The following NALF2 variants were observed in gnomAD, a reference collection of about 807,000 sequenced individuals.
NALF2 encodes NALCN channel auxiliary factor 2.
NALF2 carries 1 observed loss-of-function variant against 24.8 expected under a neutral mutation model. That is an observed-to-expected ratio of 0.04 (90% CI 0.01 to 0.19). The LOEUF is 0.19. NALF2 is among the 10% of genes least tolerant of loss of function. The pLI is 1.00. For synonymous variants in NALF2, 254 were observed against 189.8 expected (o/e 1.34, Z -2.78); for missense variants, 458 against 409.6 (o/e 1.12, Z -1.02).
chrX:69,511,448 C>G (rs772793153), intron 1 of NALF2, among the ~76,000 whole-genome samples: 2 of 111,825 alleles, frequency 1.8e-5, no homozygotes, highest in Non-Finnish European at 3.8e-5. Flanking sequence ...CTCTCTTTCT[C>G]CCACTTCCCT....
At chrX:69,510,467 G>C (rs893531558) in intron 1 of NALF2, among the ~76,000 whole-genome samples, 1 of 112,670 alleles carries the variant, frequency 8.9e-6, no homozygotes. Flanking sequence ...GGGGTGCTGA[G>C]AGCAGGGAGC....
chrX:69,513,106 A>G (rs1602193251), intron 1 of NALF2, among the ~76,000 whole-genome samples: 1 of 111,562 alleles, frequency 9.0e-6, no homozygotes, highest in African/African-American at 3.3e-5. Flanking sequence ...GAGGGAAGGT[A>G]TCTCTGTTAT....
intron 1 of NALF2, 70 bp from the exon 2 acceptor site, chrX:69,528,923 C>A (rs972574325): frequency 9.3e-7 from 1 of 1,075,392 alleles, no homozygotes; most frequent in Non-Finnish European, 1.2e-6. Flanking sequence ...ACAAGTAAGT[C>A]CTCCCATCCC....
Position 69,504,742 on chromosome X carries a change from C to G in NALF2, c.-541C>G, listed in dbSNP as rs1178207718. ...AGGAGGGCGCGAGCGAGGCAGGGAG[C>G]GGCGTGGAGCGGGCAGCGGGCGGAC... On this transcript the variant is annotated 5_prime_UTR_variant, in exon 1 of 3. Coordinates refer to ENST00000252338, the MANE Select transcript of NALF2 (RefSeq NM_015686.3). Among the ~76,000 whole-genome samples, 2 of 110,725 alleles carry G rather than the reference C, an allele frequency of 1.8e-5. No individual in the cohort carries two copies. Among genetic ancestry groups the G allele is most frequent in the Non-Finnish European group, 3.8e-5 (2 of 52,513 alleles).
At chrX:69,506,565 G>A (rs1444545335) in intron 1 of NALF2, among the ~76,000 whole-genome samples, 1 of 113,178 alleles carries the variant, frequency 8.8e-6, no homozygotes, top group African/African-American at 3.2e-5. Context: ...GCCAAAGATG[G>A]GAGGAAGAAT....
At chrX:69,519,895 A>G (rs1019503197) in intron 1 of NALF2, among the ~76,000 whole-genome samples, 2 of 112,049 alleles carry the variant, frequency 1.8e-5, no homozygotes, top group African/African-American at 6.5e-5. Context: ...AACTGCTCTC[A>G]CCATAATGAG....
intron 1 of NALF2, among the ~76,000 whole-genome samples, chrX:69,510,694 G>A (rs1017890924): frequency 1.8e-4 from 20 of 111,988 alleles, no homozygotes; most frequent in Non-Finnish European, 3.2e-4. Flanking sequence ...TGCCCTTGGG[G>A]AGGGGCCTCC....
chrX:69,524,536 C>G (rs757746040), intron 1 of NALF2, among the ~76,000 whole-genome samples: 1 of 111,560 alleles, frequency 9.0e-6, no homozygotes, highest in South Asian at 3.8e-4. Context: ...TCCCTGCATC[C>G]CTTGCCTCCA....
At chrX:69,507,710 C>T (rs895158248) in intron 1 of NALF2, among the ~76,000 whole-genome samples, 11 of 111,337 alleles carry the variant, frequency 9.9e-5, no homozygotes, top group Middle Eastern at 4.6e-3. Context: ...AGACACATAC[C>T]CTCGATGTCA....
rs772300762 is a variant in NALF2, at chrX:69,529,966, G to A, written c.*10G>A. ...GACACGGGAAGAGTGACAGTAGGGA[G>A]GGAGGACAGACCTCCACCACACTGA... On this transcript the variant is annotated 3_prime_UTR_variant, in exon 3 of 3. Transcript: ENST00000252338. 4.3e-6 allele frequency: 5 copies of A among 1,167,764 alleles called. No individual in the cohort carries two copies. In the Admixed American group the frequency reaches 9.0e-5, roughly 21 times the overall value.
At position 69,530,215 on chromosome X, in the gene NALF2, T is replaced by C; in HGVS notation, c.*259T>C. The C allele has an allele frequency of 3.1e-6, 1 of 324,802 alleles. No homozygotes were observed. The highest frequency in any genetic ancestry group is 5.3e-6 in the Non-Finnish European group (1 of 187,281). The allele number at this position is 324,802 out of a possible 1,213,427, so 26.8% of individuals were successfully genotyped here. A position where few individuals can be genotyped will look rare whatever the true frequency, so the allele number is the denominator to read the frequency against. Reference sequence around the variant, plus strand: ...GTGACCCCTCCCAAGCTCCCATCTATGGGGCTTAGCAAAAAAAGGGAGGAA... The same window carrying C: ...GTGACCCCTCCCAAGCTCCCATCTACGGGGCTTAGCAAAAAAAGGGAGGAA... On this transcript the variant is annotated 3_prime_UTR_variant, in exon 3 of 3. Transcript: ENST00000252338.
Position 69,529,941 on chromosome X carries a change from G to A in NALF2, c.1404G>A (p.Leu468=). The stretch of plus-strand genomic sequence containing the variant: ...CACTGCCTGCCCTAGAGGAGGGCCT[G>A]ACACGGGAAGAGTGACAGTAGGGAG... The part of the protein sequence containing the change: ...LETLPALEEG[L]TREE Residue 468 remains leucine, a synonymous_variant, in exon 3 of 3, where the codon CTG becomes CTA. Coordinates refer to ENST00000252338, the MANE Select transcript of NALF2 (RefSeq NM_015686.3). The A allele has an allele frequency of 8.3e-7, 1 of 1,197,747 alleles. No homozygotes were observed. The highest frequency in any genetic ancestry group is 1.1e-6 in the Non-Finnish European group (1 of 888,018).
intron 1 of NALF2, among the ~76,000 whole-genome samples, chrX:69,508,406 G>A (rs1019287867): frequency 2.7e-5 from 3 of 109,990 alleles, no homozygotes; most frequent in African/African-American, 9.9e-5. Context: ...TGCCAACCTC[G>A]TGCTTTTGCC....
chrX:69,505,374 A>G lies in NALF2; in HGVS notation c.92A>G (p.Asp31Gly). 8.6e-7 allele frequency: 1 copy of G among 1,159,489 alleles called. No homozygotes were observed. Among genetic ancestry groups the G allele is most frequent in the Non-Finnish European group, 1.1e-6 (1 of 869,685 alleles). Residue 31 changes from aspartate to glycine, a missense_variant, in exon 1 of 3, where the codon GAC (aspartate) becomes GGC (glycine). Asp to Gly is a moderately conservative substitution (Grantham distance 94, BLOSUM62 -1). Transcript: ENST00000252338. ...CCCCWAPRPSDKPCADSERAQ... is the reference protein window; with the variant it reads ...CCCCWAPRPSGKPCADSERAQ... ...TGCTGCTGGGCTCCCAGGCCGAGCG[A>G]CAAACCTTGCGCCGACTCCGAGCGG... is the stretch of plus-strand genomic sequence containing the variant.
At position 69,505,805 on chromosome X, in the gene NALF2, G is replaced by T. The variant is rs770053557; in HGVS notation, c.523G>T (p.Ala175Ser). The T allele has an allele frequency of 8.8e-5, 106 of 1,207,919 alleles. No homozygotes were observed. Among genetic ancestry groups the T allele is most frequent in the Non-Finnish European group, 1.2e-4 (103 of 894,145 alleles). Residue 175 changes from alanine to serine, a missense_variant, in exon 1 of 3, where the codon GCC becomes TCC. By Grantham distance (99) the Ala-to-Ser change is moderately conservative. Transcript: ENST00000252338. ...PLRPPDSLSRAPAEFPSAKKN... is the reference protein window; with the variant it reads ...PLRPPDSLSRSPAEFPSAKKN... ...GCGGCCCCCTGACTCCCTTTCCCGT[G>T]CCCCGGCCGAGTTCCCCTCCGCCAA...
rs760206282 is a variant in NALF2, at chrX:69,505,775, C to A, written c.493C>A (p.Pro165Thr). 1.6e-5 allele frequency: 19 copies of A among 1,209,560 alleles called. No individual in the cohort carries two copies. The highest frequency in any genetic ancestry group is 4.6e-4 in the Middle Eastern group (2 of 4,374). The change falls in exon 1 of 3, where the codon CCT (proline) becomes ACT (threonine). Residue 165 changes from proline (P) to threonine (T), a missense_variant. By Grantham distance (38) the Pro-to-Thr change is conservative (BLOSUM62 -1). Coordinates refer to ENST00000252338, the MANE Select transcript of NALF2 (RefSeq NM_015686.3). ...TTTCGAACCGACTACTCCGGCCCCC[C>A]CTCTGCGGCCCCCTGACTCCCTTTC... ...RLFEPTTPAP[P>T]LRPPDSLSRA...
chrX:69,511,509 GAC>G (rs1216984460), intron 1 of NALF2, among the ~76,000 whole-genome samples: 2 of 111,744 alleles, frequency 1.8e-5, no homozygotes, highest in African/African-American at 6.5e-5. Flanking sequence ...TGCACACACA[GAC>G]ACACATTCAT....
At chrX:69,511,152 C>T (rs958281278) in intron 1 of NALF2, among the ~76,000 whole-genome samples, 1 of 109,654 alleles carries the variant, frequency 9.1e-6, no homozygotes, top group African/African-American at 3.3e-5. Flanking sequence ...ATCTCCACCC[C>T]CTTCCACCTC....
intron 1 of NALF2, among the ~76,000 whole-genome samples, chrX:69,512,154 A>T (rs764428150): frequency 9.0e-6 from 1 of 111,087 alleles, no homozygotes; most frequent in Non-Finnish European, 1.9e-5. Flanking sequence ...ACAAATCTGG[A>T]CCCCTACAAG....
Sources: gnomAD v4.1 joint callset for allele counts (sites outside exome capture counted in the v4.1 genomes callset) on GRCh38, gnomAD v4.1.1 for gene constraint, MANE v1.5 for transcripts, NCBI Gene and HGNC (gene_info 2026-07-23, HGNC 2026-07-21) for gene names.